The following GREB1L variants were observed in gnomAD, a reference collection of about 807,000 sequenced individuals.
GREB1L encodes GREB1-like protein.
In GREB1L, 17 loss-of-function variants were observed where a neutral mutation model predicts 200.8. That is an observed-to-expected ratio of 0.08 (90% confidence interval 0.06 to 0.13). GREB1L has a LOEUF of 0.13. Among genes scored for constraint, GREB1L ranks in the 10% least tolerant of loss-of-function variants. The pLI is 1.00. For synonymous variants in GREB1L, 789 were observed against 893.0 expected, an observed-to-expected ratio of 0.88 and a Z score of 2.08; for missense variants, 1,657 against 2,367.7, an observed-to-expected ratio of 0.70 and a Z score of 6.23.
At chr18:21,331,649 T>C (rs1478031205) in intron 1 of GREB1L, among the ~76,000 whole-genome samples, 1 of 152,222 alleles carries the variant, frequency 6.6e-6, no homozygotes, top group African/African-American at 2.4e-5. Context: ...CTGTTCCTCA[T>C]GCAGATCTTC....
At chr18:21,351,873 A>T (rs1182491691) in intron 1 of GREB1L, among the ~76,000 whole-genome samples, 1 of 151,884 alleles carries the variant, frequency 6.6e-6, no homozygotes, top group Non-Finnish European at 1.5e-5. Flanking sequence ...TCTGAGACAG[A>T]GTCTCAATCT....
chr18:21,520,866 C>G (rs1385629392), intron 32 of GREB1L, 43 bp downstream of exon 32: 6 of 1,477,670 alleles, frequency 4.1e-6, no homozygotes, highest in African/African-American at 1.4e-5. Context: ...CTATTGGTTC[C>G]CACTGAGCAA....
intron 7 of GREB1L, among the ~76,000 whole-genome samples, chr18:21,407,501 A>T (rs562152255): frequency 2.6e-5 from 4 of 152,172 alleles, no homozygotes; most frequent in Admixed American, 6.5e-5. Context: ...GTGGATATCC[A>T]GTTGTACCAG....
intron 19 of GREB1L, among the ~76,000 whole-genome samples, chr18:21,493,646 G>A (rs896325709): frequency 7.9e-5 from 12 of 151,878 alleles, no homozygotes; most frequent in Non-Finnish European, 1.2e-4. Context: ...GCGGGCAGTC[G>A]CTTGAGGTCA....
At chr18:21,520,523 G>A (rs2037572936) in intron 31 of GREB1L, among the ~76,000 whole-genome samples, 165 bp from the exon 32 acceptor site, 1 of 152,182 alleles carries the variant, frequency 6.6e-6, no homozygotes, top group Non-Finnish European at 1.5e-5. Flanking sequence ...AAAGGAGGCT[G>A]CAAAGCTTAA....
At chr18:21,283,951 C>T (rs1201877620) in intron 1 of GREB1L, among the ~76,000 whole-genome samples, 1 of 152,178 alleles carries the variant, frequency 6.6e-6, no homozygotes, top group South Asian at 2.1e-4. Context: ...TTTAAAAAGA[C>T]AATTTTCAAA....
In GREB1L at chr18:21,405,683, T is replaced by C. The variant is rs780228786; in HGVS notation, c.832+1689T>C. ...GGGCATGGTGGCATGCGCCTGTAAT[T>C]CTAGCTATCTGGGAGGCTGAGGCAC... On this transcript the variant is annotated intron_variant, in intron 7 of 32. Coordinates refer to ENST00000424526, the MANE Select transcript of GREB1L (RefSeq NM_001142966.3). Among the ~76,000 whole-genome samples the C allele has an allele frequency of 3.3e-5, 5 of 152,064 alleles. No homozygotes were observed. The South Asian group carries it at 1.0e-3, about 32-fold the overall frequency.
At chr18:21,244,514 T>TA (rs2037563967) in intron 1 of GREB1L, among the ~76,000 whole-genome samples, 2 of 152,170 alleles carry the variant, frequency 1.3e-5, no homozygotes, top group Admixed American at 1.3e-4. Flanking sequence ...CTCAGTTAGA[T>TA]AAAGGAATTG....
chr18:21,312,997 A>T (rs1567932682), intron 1 of GREB1L, among the ~76,000 whole-genome samples: 1 of 151,882 alleles, frequency 6.6e-6, no homozygotes, highest in Non-Finnish European at 1.5e-5. Flanking sequence ...TGTTCATGTC[A>T]TTTGCCCACT....
At chr18:21,403,049 T>C (rs1598767179) in intron 6 of GREB1L, among the ~76,000 whole-genome samples, 1 of 152,118 alleles carries the variant, frequency 6.6e-6, no homozygotes, top group East Asian at 1.9e-4. Flanking sequence ...CTGCTTCCAG[T>C]CCTTGTATGT....
At chr18:21,268,594 CAT>C (rs2038027991) in intron 1 of GREB1L, among the ~76,000 whole-genome samples, 1 of 60,752 alleles carries the variant, frequency 1.6e-5, no homozygotes, top group Non-Finnish European at 3.2e-5. Flanking sequence ...TATATATATA[CAT>C]GTATATATAT....
At chr18:21,317,355 C>T (rs905807772) in intron 1 of GREB1L, 1 of 150,414 alleles carries the variant, frequency 6.6e-6, no homozygotes, top group Non-Finnish European at 1.5e-5. Flanking sequence ...AATCCCAGCA[C>T]TTTGGGAGAC....
chr18:21,522,733 A>T lies in GREB1L; in HGVS notation c.5684A>T (p.Glu1895Val). The T allele has an allele frequency of 6.4e-7, 1 of 1,551,680 alleles. No individual in the cohort carries two copies. The stretch of plus-strand genomic sequence containing the variant: ...ATTGTCCGCTTAGAGCTAGAAGATG[A>T]GTGGCAGTTCCGCCTCCGGGACGAG... ...QTIVRLELED[E>V]WQFRLRDEFQ... Residue 1895 changes from glutamate (E) to valine (V), a missense_variant, in exon 33 of 33, where the codon GAG becomes GTG. This residue lies in a region of GREB1L where 190 missense variants were observed against 230.2 expected (regional missense o/e 0.83). Coordinates refer to ENST00000424526, the MANE Select transcript of GREB1L (RefSeq NM_001142966.3).
At chr18:21,356,978 G>A (rs2039513795) in intron 1 of GREB1L, among the ~76,000 whole-genome samples, 1 of 152,182 alleles carries the variant, frequency 6.6e-6, no homozygotes, top group East Asian at 1.9e-4. Context: ...CTTTTTTTGA[G>A]AAATGTCTAT....
At chr18:21,300,825 G>T (rs2038606101) in intron 1 of GREB1L, among the ~76,000 whole-genome samples, 1 of 152,144 alleles carries the variant, frequency 6.6e-6, no homozygotes, top group Admixed American at 6.5e-5. Flanking sequence ...GTGAGGGGTG[G>T]TGGGGGGAGG....
intron 6 of GREB1L, among the ~76,000 whole-genome samples, chr18:21,402,510 T>C (rs557031624): frequency 6.6e-6 from 1 of 150,814 alleles, no homozygotes; most frequent in Admixed American, 6.7e-5. Flanking sequence ...CCTTTCCTTT[T>C]CCTTTCCTTT....
chr18:21,278,756 T>A (rs2038218261), intron 1 of GREB1L, among the ~76,000 whole-genome samples: 1 of 152,152 alleles, frequency 6.6e-6, no homozygotes, highest in Admixed American at 6.5e-5. Context: ...TCAGAAATCA[T>A]AAGGAAAAGA....
intron 25 of GREB1L, 118 bp downstream of exon 25, chr18:21,506,067 T>G (rs2037003420): frequency 9.0e-7 from 1 of 1,105,920 alleles, no homozygotes; most frequent in African/African-American, 1.6e-5. Context: ...TAAAGGATAG[T>G]TTACTCATAA....
intron 17 of GREB1L, among the ~76,000 whole-genome samples, chr18:21,484,361 G>A (rs1485408310): frequency 6.6e-6 from 1 of 151,800 alleles, no homozygotes; most frequent in Non-Finnish European, 1.5e-5. Flanking sequence ...TTTCGGTAGA[G>A]ATGGGGTTTC....
Sources: allele counts gnomAD v4.1 joint callset (sites outside exome capture counted in the v4.1 genomes callset), GRCh38; gene constraint gnomAD v4.1.1; regional missense constraint gnomAD v4.1.1; transcripts MANE v1.5; gene names NCBI Gene and HGNC (gene_info 2026-07-23, HGNC 2026-07-21).